SNX6: variants seen among roughly 807,000 people sequenced by gnomAD.
SNX6 encodes sorting nexin-6.
SNX6 carries 34 observed loss-of-function variants against 63.0 expected under a neutral mutation model. The ratio of observed to expected loss-of-function variants is 0.54; its 90% CI spans 0.41 to 0.72. SNX6 has a LOEUF of 0.72. Among genes scored for constraint, SNX6 ranks in the 30% least tolerant of loss-of-function variants. SNX6 has a pLI of 0.00. For missense variants in SNX6, 398 were observed against 471.4 expected, an observed-to-expected ratio of 0.84 and a Z score of 1.44; for synonymous variants, 170 against 164.2, an observed-to-expected ratio of 1.04 and a Z score of -0.27.
chr14:34,617,013 C>T (rs968153363), intron 2 of SNX6, among the ~76,000 whole-genome samples: 3 of 151,882 alleles, frequency 2.0e-5, no homozygotes, highest in Non-Finnish European at 1.5e-5. Flanking sequence ...ATCCAGGAGG[C>T]GGAGGCTGCA....
At chr14:34,617,777 C>T (rs544218916) in intron 2 of SNX6, among the ~76,000 whole-genome samples, 1 of 151,778 alleles carries the variant, frequency 6.6e-6, no homozygotes, top group Non-Finnish European at 1.5e-5. Flanking sequence ...AAAAATAAGC[C>T]GGGCGTGGTG....
rs569186062 is a variant in SNX6, at chr14:34,610,876, C to T, written c.55-1134G>A. On this transcript the variant is annotated intron_variant, in intron 2 of 13. Transcript: ENST00000362031. ...TTGTAAAACCTAGGACTTAGAGAAT[C>T]TCACCTGGTCATTAGTATCTCAAAT... 3.3e-5 allele frequency among the ~76,000 whole-genome samples: 5 copies of T among 152,246 alleles called. No individual in the cohort carries two copies. In the South Asian group the frequency reaches 1.0e-3, roughly 32 times the overall value.
chr14:34,569,968 T>C (rs929285078), intron 11 of SNX6, among the ~76,000 whole-genome samples: 2 of 152,212 alleles, frequency 1.3e-5, no homozygotes, highest in Non-Finnish European at 2.9e-5. Context: ...TGGTTTTCCA[T>C]AGTGGCTGAA....
At chr14:34,563,633 A>T (rs1406213872) in intron 13 of SNX6, among the ~76,000 whole-genome samples, 1 of 152,218 alleles carries the variant, frequency 6.6e-6, no homozygotes, top group African/African-American at 2.4e-5. Flanking sequence ...AGAAATTTTA[A>T]AACAGCCATT....
intron 8 of SNX6, among the ~76,000 whole-genome samples, chr14:34,592,158 C>T (rs547332785): frequency 8.0e-4 from 121 of 152,194 alleles, no homozygotes; most frequent in African/African-American, 2.7e-3. Context: ...AAGGCCAAGG[C>T]GGGTGGATCA....
At chr14:34,629,671 C>G (rs2138403540) in intron 2 of SNX6, 1 of 725,628 alleles carries the variant, frequency 1.4e-6, no homozygotes, top group Admixed American at 2.1e-5. Flanking sequence ...ACCAGAAGGC[C>G]CGAACAGCGG....
At chr14:34,587,671 G>A (rs903154852) in intron 8 of SNX6, among the ~76,000 whole-genome samples, 1 of 151,196 alleles carries the variant, frequency 6.6e-6, no homozygotes, top group Non-Finnish European at 1.5e-5. Flanking sequence ...TCACTCTGTT[G>A]CTCAGGCATG....
intron 2 of SNX6, among the ~76,000 whole-genome samples, chr14:34,612,069 G>T (rs896450789): frequency 6.6e-6 from 1 of 152,142 alleles, no homozygotes; most frequent in East Asian, 1.9e-4. Context: ...GTGAGCCACC[G>T]TGTCCAGCCT....
At chr14:34,571,356 A>C (rs973635010) in intron 11 of SNX6, among the ~76,000 whole-genome samples, 1 of 151,718 alleles carries the variant, frequency 6.6e-6, no homozygotes, top group Non-Finnish European at 1.5e-5. Context: ...TGGCGTGAAC[A>C]TGGGAAATGG....
At chr14:34,598,400 ATT>A (rs1028718370) in intron 6 of SNX6, among the ~76,000 whole-genome samples, 2 of 151,926 alleles carry the variant, frequency 1.3e-5, no homozygotes, top group Non-Finnish European at 2.9e-5. Flanking sequence ...GATGAAAAAA[ATT>A]TTTTTTGAGA....
At chr14:34,620,935 C>A (rs1021309489) in intron 2 of SNX6, among the ~76,000 whole-genome samples, 2 of 151,410 alleles carry the variant, frequency 1.3e-5, no homozygotes, top group African/African-American at 2.4e-5. Flanking sequence ...AAGTGAGACT[C>A]CCTCAAAAAA....
At chr14:34,611,890 T>C (rs1468323558) in intron 2 of SNX6, among the ~76,000 whole-genome samples, 2 of 151,958 alleles carry the variant, frequency 1.3e-5, no homozygotes, top group African/African-American at 2.4e-5. Flanking sequence ...GCCATTCTCC[T>C]GCCTCAGCCT....
At chr14:34,611,802 T>G (rs1030074816) in intron 2 of SNX6, among the ~76,000 whole-genome samples, 24 of 150,348 alleles carry the variant, frequency 1.6e-4, no homozygotes, top group Non-Finnish European at 3.0e-4. Context: ...TTTTGGAGAC[T>G]GAGTCTCGCT....
At chr14:34,613,686 C>T (rs1426910026) in intron 2 of SNX6, among the ~76,000 whole-genome samples, 7 of 151,296 alleles carry the variant, frequency 4.6e-5, no homozygotes, top group South Asian at 2.1e-4. Context: ...CCAGCTACTC[C>T]GGAGGCTGAG....
Position 34,608,137 on chromosome 14 carries a change from A to G in SNX6, c.163T>C (p.Ser55Pro), listed in dbSNP as rs1883092310. ...TCGTTTTGTTTAAAATTTGGCAATG[A>G]ACTCTGTAAAGATAGAGATTTTCTT... ...KVKFTVHTKS[S>P]LPNFKQNEFS... The change falls in exon 4 of 14, where the codon TCA (serine) becomes CCA (proline). Residue 55 changes from serine to proline, a missense_variant. Physicochemically the swap from Ser to Pro is moderately conservative, Grantham distance 74. Coordinates refer to ENST00000362031, the MANE Select transcript of SNX6 (RefSeq NM_152233.4). 1.3e-6 allele frequency: 2 copies of G among 1,558,602 alleles called. No homozygotes were observed.
chr14:34,570,922 A>G (rs1029654101), intron 11 of SNX6, among the ~76,000 whole-genome samples: 1 of 149,430 alleles, frequency 6.7e-6, no homozygotes, highest in African/African-American at 2.5e-5. Flanking sequence ...ATGGGGTTTC[A>G]CTGTGTTAGC....
intron 2 of SNX6, among the ~76,000 whole-genome samples, chr14:34,617,474 C>T (rs535429997): frequency 1.3e-5 from 2 of 151,736 alleles, no homozygotes; most frequent in South Asian, 4.2e-4. Context: ...ATCGTGTCTC[C>T]ACAAAAAATT....
intron 2 of SNX6, among the ~76,000 whole-genome samples, chr14:34,617,543 G>A (rs1883461786): frequency 6.6e-6 from 1 of 150,382 alleles, no homozygotes; most frequent in Non-Finnish European, 1.5e-5. Flanking sequence ...AGGGGACTGA[G>A]GCTGCCGTGG....
chr14:34,572,837 T>G (rs773328935), intron 11 of SNX6, among the ~76,000 whole-genome samples: 13 of 152,056 alleles, frequency 8.5e-5, no homozygotes, highest in South Asian at 2.1e-4. Context: ...CCCACCAGCA[T>G]GCCCGGCTAA....
Sources: allele counts gnomAD v4.1 joint callset (sites outside exome capture counted in the v4.1 genomes callset), GRCh38; gene constraint gnomAD v4.1.1; transcripts MANE v1.5; gene names NCBI Gene and HGNC (gene_info 2026-07-23, HGNC 2026-07-21).